LRRC17: variants seen among roughly 807,000 people sequenced by gnomAD.
The protein encoded by LRRC17 is leucine-rich repeat-containing protein 17.
In LRRC17, 33 loss-of-function variants were observed where a neutral mutation model predicts 41.5. The observed-to-expected ratio is 0.80, with a 90% confidence interval of 0.60 to 1.06. The LOEUF (loss-of-function observed/expected upper bound fraction) is 1.06. Among genes scored for constraint, LRRC17 ranks in the 50% least tolerant of loss-of-function variants. LRRC17 has a pLI of 0.00. For missense variants in LRRC17, 491 were observed against 519.3 expected, an observed-to-expected ratio of 0.95 and a Z score of 0.53; for synonymous variants, 192 against 197.0, an observed-to-expected ratio of 0.97 and a Z score of 0.21.
chr7:102,924,598 A>T (rs6949710), intron 1 of LRRC17, among the ~76,000 whole-genome samples: 1,840 of 151,766 alleles, frequency 0.012, 41 homozygotes, highest in African/African-American at 0.042. Flanking sequence ...TAGAGTCAGA[A>T]GATAAAGAAA....
intron 1 of LRRC17, among the ~76,000 whole-genome samples, chr7:102,917,211 C>T (rs1028931279): frequency 5.3e-5 from 8 of 152,146 alleles, no homozygotes; most frequent in Admixed American, 2.0e-4. Flanking sequence ...GTCAAGACAA[C>T]AGCTTACTTT....
At chr7:102,916,875 T>C (rs1220673580) in intron 1 of LRRC17, among the ~76,000 whole-genome samples, 1 of 152,204 alleles carries the variant, frequency 6.6e-6, no homozygotes. Context: ...TTACAATTCT[T>C]ATAGAAACTA....
intron 2 of LRRC17, among the ~76,000 whole-genome samples, chr7:102,937,506 C>CA (rs10642422): frequency 0.023 from 2,662 of 113,490 alleles, 175 homozygotes; most frequent in African/African-American, 0.082. Flanking sequence ...GACTCTGTCT[C>CA]AAAAAAAAAA....
rs750388298 is a variant in LRRC17 at position 102,934,460 on chromosome 7, A to T, written c.547A>T (p.Asn183Tyr). 6.2e-6 allele frequency: 10 copies of T among 1,614,120 alleles called. No homozygotes were observed. Among genetic ancestry groups the T allele is most frequent in the Non-Finnish European group, 8.5e-6 (10 of 1,180,052 alleles). Residue 183 changes from asparagine (N) to tyrosine (Y), a missense_variant, in exon 2 of 4, where the codon AAC (asparagine) becomes TAC (tyrosine). Physicochemically the swap from Asn to Tyr is moderately radical, Grantham distance 143. Coordinates refer to ENST00000339431, the MANE Select transcript of LRRC17 (RefSeq NM_001031692.3). ...TLISMLQIPR[N>Y]RNLGNYAKCE... ...TATTTCAATGTTGCAGATTCCCAGG[A>T]ACCGGAATTTGGGGAACTACGCCAA...
At chr7:102,925,027 G>T (rs1419172447) in intron 1 of LRRC17, among the ~76,000 whole-genome samples, 1 of 152,210 alleles carries the variant, frequency 6.6e-6, no homozygotes, top group East Asian at 1.9e-4. Context: ...AATAGTTTGA[G>T]AAATGTTTTC....
intron 1 of LRRC17, among the ~76,000 whole-genome samples, chr7:102,915,747 G>A (rs1815726270): frequency 6.6e-6 from 1 of 150,920 alleles, no homozygotes; most frequent in South Asian, 2.1e-4. Context: ...ACATTTATGA[G>A]TAGAATAGTA....
chr7:102,938,254 A>G (rs1820714078), intron 2 of LRRC17, among the ~76,000 whole-genome samples: 1 of 152,374 alleles, frequency 6.6e-6, no homozygotes, highest in East Asian at 1.9e-4. Flanking sequence ...TTTTACTTCT[A>G]ACATCAGATG....
At chr7:102,917,333 G>A (rs1231041701) in intron 1 of LRRC17, among the ~76,000 whole-genome samples, 1 of 152,072 alleles carries the variant, frequency 6.6e-6, no homozygotes, top group Non-Finnish European at 1.5e-5. Flanking sequence ...AAAACAATTG[G>A]ATACTACTCC....
At chr7:102,926,839 T>C (rs1368976738) in intron 1 of LRRC17, among the ~76,000 whole-genome samples, 1 of 152,244 alleles carries the variant, frequency 6.6e-6, no homozygotes, top group East Asian at 1.9e-4. Context: ...CATTTATACA[T>C]AGATGTGTGT....
At chr7:102,944,042 TA>T (rs1821971891) in intron 3 of LRRC17, among the ~76,000 whole-genome samples, 167 bp from the exon 4 acceptor site, 2 of 152,196 alleles carry the variant, frequency 1.3e-5, no homozygotes, top group South Asian at 4.1e-4. Flanking sequence ...TACTTATAGT[TA>T]AAAGTTTTCT....
At chr7:102,939,295 T>A in intron 2 of LRRC17, 135 bp from the exon 3 acceptor site, 1 of 682,486 alleles carries the variant, frequency 1.5e-6, no homozygotes, top group Non-Finnish European at 2.4e-6. Flanking sequence ...TGTTTCATAC[T>A]AACTTTCTTT....
rs1322995378 is a variant in LRRC17 at position 102,934,699 on chromosome 7, T to G, written c.772+14T>G. 1 of 1,560,006 alleles carries G rather than the reference T, an allele frequency of 6.4e-7. No homozygotes were observed. The highest frequency in any genetic ancestry group is 8.6e-7 in the Non-Finnish European group (1 of 1,158,516). ...GCAAAAGGAAAGGTTTGTACTTTTC[T>G]TACTTTTTCATTTTCATGAATAACT... On this transcript the variant is annotated intron_variant, in intron 2 of 3. Transcript: ENST00000339431.
intron 1 of LRRC17, among the ~76,000 whole-genome samples, chr7:102,922,406 A>G (rs1817227919): frequency 6.6e-6 from 1 of 152,138 alleles, no homozygotes; most frequent in Admixed American, 6.5e-5. Context: ...AATATAAATT[A>G]GTTCCTAGTT....
Position 102,934,179 on chromosome 7 carries a change from CAAGA to C in LRRC17, c.269_272del (p.Arg90ThrfsTer6), listed in dbSNP as rs2129473665. 6.2e-7 allele frequency: 1 copy of C among 1,614,232 alleles called. No individual in the cohort carries two copies. The highest frequency in any genetic ancestry group is 1.1e-5 in the South Asian group (1 of 91,086). ...CAGGATTTGCTGCACATGCTGCTAG[CAAGA>C]AACAAGATCCGCACATTGAAGAACA... is the stretch of plus-strand genomic sequence containing the variant. On this transcript the variant is annotated frameshift_variant, in exon 2 of 4. Transcript: ENST00000339431. LOFTEE classifies it high-confidence loss of function.
chr7:102,932,935 C>T (rs1028105313), intron 1 of LRRC17: 1 of 152,240 alleles, frequency 6.6e-6, no homozygotes, highest in Non-Finnish European at 1.5e-5. Context: ...TCAACAAATA[C>T]TTATCAAGGA....
chr7:102,933,141 G>T (rs1819543661), intron 1 of LRRC17: 1 of 152,198 alleles, frequency 6.6e-6, no homozygotes. Context: ...TTTAAAATAG[G>T]GCTGAACAGG....
intron 1 of LRRC17, chr7:102,932,018 A>G (rs1819275828): frequency 8.0e-7 from 1 of 1,256,628 alleles, no homozygotes; most frequent in Non-Finnish European, 1.1e-6. Flanking sequence ...AATGCAATGT[A>G]TTCATTAGAA....
At chr7:102,926,835 T>C (rs1158218438) in intron 1 of LRRC17, among the ~76,000 whole-genome samples, 2 of 152,256 alleles carry the variant, frequency 1.3e-5, no homozygotes, top group African/African-American at 2.4e-5. Context: ...TATACATTTA[T>C]ACATAGATGT....
chr7:102,936,546 T>C (rs764021452), intron 2 of LRRC17, among the ~76,000 whole-genome samples: 1 of 152,224 alleles, frequency 6.6e-6, no homozygotes, highest in Non-Finnish European at 1.5e-5. Context: ...TCCTTAGTGC[T>C]TCATGCTGAA....
Sources: gnomAD v4.1 joint callset for allele counts (sites outside exome capture counted in the v4.1 genomes callset) on GRCh38, gnomAD v4.1.1 for gene constraint, MANE v1.5 for transcripts, NCBI Gene and HGNC (gene_info 2026-07-23, HGNC 2026-07-21) for gene names.